The following CPED1 variants were observed in gnomAD, a reference collection of about 807,000 sequenced individuals.
CPED1 encodes the protein cadherin like and PC-esterase domain containing 1.
A neutral mutation model predicts 128.2 loss-of-function variants in CPED1; 114 were observed. The ratio of observed to expected loss-of-function variants is 0.89; its 90% CI spans 0.76 to 1.04. CPED1 has a LOEUF of 1.04. Ranked by LOEUF, CPED1 falls within the 50% of genes least tolerant of loss-of-function variation. The pLI is 0.00. For missense variants in CPED1, 1,211 were observed against 1,207.1 expected, an observed-to-expected ratio of 1.00 and a Z score of -0.05; for synonymous variants, 462 against 426.7, an observed-to-expected ratio of 1.08 and a Z score of -1.02.
intron 22 of CPED1, among the ~76,000 whole-genome samples, chr7:121,288,323 GTGT>G (rs1289570885): frequency 6.6e-6 from 1 of 152,166 alleles, no homozygotes; most frequent in East Asian, 1.9e-4. Context: ...AGTGAATTAA[GTGT>G]TGTTGGGCCA....
At chr7:121,254,904 G>C (rs1225463788) in intron 18 of CPED1, among the ~76,000 whole-genome samples, 1 of 124,176 alleles carries the variant, frequency 8.1e-6, no homozygotes, top group Non-Finnish European at 1.8e-5. Flanking sequence ...AATTGAATCA[G>C]TAATTAAAAA....
rs772869772 is a variant in CPED1 at position 121,295,701 on chromosome 7, C to T, written c.*49C>T. 6.6e-6 allele frequency: 10 copies of T among 1,525,220 alleles called. No individual in the cohort carries two copies. Among genetic ancestry groups the T allele is most frequent in the Middle Eastern group, 3.4e-4 (2 of 5,806 alleles). 94.5% of individuals were successfully genotyped at this position (1,525,220 alleles called of 1,614,324 possible). A position where few individuals can be genotyped will look rare whatever the true frequency, so the allele number is the denominator to read the frequency against. On this transcript the variant is annotated 3_prime_UTR_variant, in exon 23 of 23. Transcript: ENST00000310396. ...TGGAGCTGGAGACGAGCTAGTCACC[C>T]GGACAATGGTCTAGGAGCCAAGCGC...
chr7:120,999,085 A>T (rs1791756223), intron 2 of CPED1, among the ~76,000 whole-genome samples: 1 of 152,212 alleles, frequency 6.6e-6, no homozygotes, highest in Admixed American at 6.5e-5. Context: ...TCGATGAATG[A>T]ATAAATAAAT....
At chr7:121,201,842 C>T (rs1797408137) in intron 16 of CPED1, among the ~76,000 whole-genome samples, 1 of 152,088 alleles carries the variant, frequency 6.6e-6, no homozygotes, top group South Asian at 2.1e-4. Context: ...AGACTTCCCC[C>T]TTAGCCTGAA....
chr7:121,295,729 C>T lies in CPED1; in HGVS notation c.*77C>T. On this transcript the variant is annotated 3_prime_UTR_variant, in exon 23 of 23. Transcript: ENST00000310396. ...ACAATGGTCTAGGAGCCAAGCGCTG[C>T]ACATCGCACACATTTGGGATCGACC... 1 of 1,188,834 alleles carries T rather than the reference C, an allele frequency of 8.4e-7. No homozygotes were observed. The highest frequency in any genetic ancestry group is 1.8e-5 in the Admixed American group (1 of 55,150). The allele number at this position is 1,188,834 out of a possible 1,614,324, so 73.6% of individuals were successfully genotyped here. A position where few individuals can be genotyped will look rare whatever the true frequency, so the allele number is the denominator to read the frequency against.
chr7:121,036,727 A>G (rs1792903886), intron 3 of CPED1, among the ~76,000 whole-genome samples: 1 of 152,124 alleles, frequency 6.6e-6, no homozygotes, highest in Non-Finnish European at 1.5e-5. Flanking sequence ...TGTTTTCCAT[A>G]GTGGTTGTAC....
At chr7:120,995,188 C>T (rs759204598) in intron 2 of CPED1, among the ~76,000 whole-genome samples, 2 of 152,072 alleles carry the variant, frequency 1.3e-5, no homozygotes, top group Non-Finnish European at 2.9e-5. Context: ...TTCCTTGTTA[C>T]CTCTCCCGAT....
intron 2 of CPED1, among the ~76,000 whole-genome samples, chr7:121,001,170 G>C (rs966681184): frequency 2.0e-5 from 3 of 151,996 alleles, no homozygotes; most frequent in Non-Finnish European, 4.4e-5. Context: ...TTTCCTTTTT[G>C]GCACCTATAG....
At chr7:121,172,662 A>ATAGATAGATAGT (rs1796677542) in intron 16 of CPED1, among the ~76,000 whole-genome samples, 1 of 12,012 alleles carries the variant, frequency 8.3e-5, no homozygotes, top group Non-Finnish European at 1.4e-4. Context: ...GGATGGATAC[A>ATAGATAGATAGT]TAGATAGATA....
At chr7:121,072,573 G>C (rs1192669956) in intron 5 of CPED1, among the ~76,000 whole-genome samples, 2 of 152,146 alleles carry the variant, frequency 1.3e-5, no homozygotes, top group African/African-American at 4.8e-5. Flanking sequence ...AAAGCCAGCA[G>C]AATGTGCTGA....
chr7:121,125,750 A>T, intron 8 of CPED1, 70 bp from the exon 9 acceptor site: 1 of 1,157,490 alleles, frequency 8.6e-7, no homozygotes, highest in Non-Finnish European at 1.3e-6. Context: ...TTGCTGTTAT[A>T]AATAGTGCAT....
At chr7:121,117,090 T>TATATATAA (rs1563032013) in intron 7 of CPED1, among the ~76,000 whole-genome samples, 1 of 143,694 alleles carries the variant, frequency 7.0e-6, no homozygotes, top group African/African-American at 2.6e-5. Context: ...TATATATATA[T>TATATATAA]ATATATATAA....
intron 7 of CPED1, among the ~76,000 whole-genome samples, chr7:121,110,529 C>T (rs987575002): frequency 1.3e-5 from 2 of 152,068 alleles, no homozygotes; most frequent in Non-Finnish European, 2.9e-5. Context: ...CAAGAGATGA[C>T]AGTAAAATAC....
chr7:121,187,872 A>G (rs1797039557), intron 16 of CPED1, among the ~76,000 whole-genome samples: 1 of 152,110 alleles, frequency 6.6e-6, no homozygotes, highest in African/African-American at 2.4e-5. Context: ...ATTTTATTTT[A>G]CAGATGATGC....
chr7:120,990,197 C>T (rs1205127211), intron 2 of CPED1, among the ~76,000 whole-genome samples: 2 of 152,086 alleles, frequency 1.3e-5, no homozygotes, highest in Non-Finnish European at 2.9e-5. Context: ...ATTTACAATT[C>T]AAAAACATAA....
chr7:121,104,800 A>G (rs775522375), intron 7 of CPED1, among the ~76,000 whole-genome samples: 8 of 152,130 alleles, frequency 5.3e-5, no homozygotes, highest in Non-Finnish European at 1.2e-4. Context: ...TTTTAACTGC[A>G]TGAAGAAATT....
chr7:121,063,381 G>GAAAAAAAAAAACAAAAAA (rs1793732915), intron 4 of CPED1, among the ~76,000 whole-genome samples: 1 of 67,040 alleles, frequency 1.5e-5, no homozygotes, highest in African/African-American at 6.1e-5. Flanking sequence ...TGAAGAAACT[G>GAAAAAAAAAAACAAAAAA]AAAAAAAAAA....
At chr7:121,108,412 T>C (rs900031207) in intron 7 of CPED1, among the ~76,000 whole-genome samples, 1 of 152,128 alleles carries the variant, frequency 6.6e-6, no homozygotes, top group African/African-American at 2.4e-5. Flanking sequence ...TTGTAAAATT[T>C]AATATGCAGT....
At chr7:120,992,296 A>G (rs17143078) in intron 2 of CPED1, among the ~76,000 whole-genome samples, 2,563 of 151,936 alleles carry the variant, frequency 0.017, 64 homozygotes, top group African/African-American at 0.058. Context: ...ATTTAGTCAA[A>G]TCTTAGTCAA....
Sources: allele counts gnomAD v4.1 joint callset (sites outside exome capture counted in the v4.1 genomes callset), GRCh38; gene constraint gnomAD v4.1.1; transcripts MANE v1.5; gene names NCBI Gene and HGNC (gene_info 2026-07-23, HGNC 2026-07-21).